The following WAPL variants were observed in gnomAD, a reference collection of about 807,000 sequenced individuals.
The protein encoded by WAPL is WAPL cohesin release factor.
A neutral mutation model predicts 121.0 loss-of-function variants in WAPL; 5 were observed. The observed-to-expected ratio is 0.04, with a 90% CI of 0.02 to 0.09. The LOEUF (loss-of-function observed/expected upper bound fraction) is 0.09, where lower values mean the gene tolerates loss of function less well. Among genes scored for constraint, WAPL ranks in the 10% least tolerant of loss-of-function variants. The pLI is 1.00. For missense variants in WAPL, 999 were observed against 1,410.8 expected, an observed-to-expected ratio of 0.71 and a Z score of 4.68; for synonymous variants, 480 against 481.5, an observed-to-expected ratio of 1.00 and a Z score of 0.04.
chr10:86,439,399 C>T (rs775335886), intron 17 of WAPL, among the ~76,000 whole-genome samples: 5 of 152,170 alleles, frequency 3.3e-5, no homozygotes, highest in Non-Finnish European at 5.9e-5. Context: ...TAGAAAAGTA[C>T]GCCTCTGTAA....
At position 86,467,282 on chromosome 10, in the gene WAPL, T is replaced by C. The variant is rs1841421282; in HGVS notation, c.2367A>G (p.Ile789Met). The C allele has an allele frequency of 6.2e-7, 1 of 1,613,004 alleles. No individual in the cohort carries two copies. Among genetic ancestry groups the C allele is most frequent in the African/African-American group, 1.3e-5 (1 of 74,786 alleles). The change falls in exon 9 of 19, where the codon ATA (isoleucine) becomes ATG (methionine). Residue 789 changes from isoleucine (I) to methionine (M), a missense_variant. By Grantham distance (10) the Ile-to-Met change is conservative (BLOSUM62 1). Around this residue, in one of 7 missense-constraint regions of WAPL, gnomAD observed 118 missense variants for 318.3 expected, o/e 0.37. Transcript: ENST00000298767. ...VHNKHLDLEN[I>M]TTGHLAMETL... Reference sequence around the variant, plus strand: ...AAGGAAGGAAGAAGGAACCCACCGTTATATTTTCTAGATCAAGATGCTTGT... The same window carrying C: ...AAGGAAGGAAGAAGGAACCCACCGTCATATTTTCTAGATCAAGATGCTTGT...
At chr10:86,499,487 A>G (rs1356199216) in intron 3 of WAPL, among the ~76,000 whole-genome samples, 1 of 152,220 alleles carries the variant, frequency 6.6e-6, no homozygotes, top group Non-Finnish European at 1.5e-5. Flanking sequence ...CCTATGATAA[A>G]GTTTAATTTA....
At chr10:86,457,023 T>C (rs768784594) in intron 12 of WAPL, among the ~76,000 whole-genome samples, 8 of 152,108 alleles carry the variant, frequency 5.3e-5, no homozygotes, top group Non-Finnish European at 1.2e-4. Flanking sequence ...TCTTACAAGG[T>C]AGTTGTCAGA....
At chr10:86,461,772 AACG>A (rs1841280186) in intron 9 of WAPL, among the ~76,000 whole-genome samples, 1 of 152,190 alleles carries the variant, frequency 6.6e-6, no homozygotes, top group African/African-American at 2.4e-5. Flanking sequence ...GTATTTTTAC[AACG>A]ACAGTAACCT....
chr10:86,465,017 A>C (rs1336811269), intron 9 of WAPL, among the ~76,000 whole-genome samples: 2 of 152,174 alleles, frequency 1.3e-5, no homozygotes, highest in Non-Finnish European at 2.9e-5. Flanking sequence ...TTGCTCTCCC[A>C]TCCTCCACCA....
chr10:86,499,167 A>T (rs1308667534), intron 3 of WAPL, among the ~76,000 whole-genome samples: 1 of 152,210 alleles, frequency 6.6e-6, no homozygotes, highest in Non-Finnish European at 1.5e-5. Context: ...GGTTAAATTA[A>T]AACTCAAATA....
chr10:86,487,525 T>A (rs1841951742), intron 4 of WAPL, among the ~76,000 whole-genome samples: 1 of 152,184 alleles, frequency 6.6e-6, no homozygotes, highest in Non-Finnish European at 1.5e-5. Context: ...CAGCCCTCAA[T>A]CCTGATATTA....
At chr10:86,476,654 A>G (rs1382987214) in intron 4 of WAPL, among the ~76,000 whole-genome samples, 1 of 150,608 alleles carries the variant, frequency 6.6e-6, no homozygotes, top group Non-Finnish European at 1.5e-5. Flanking sequence ...GCGCCACTGC[A>G]CTCCAGCCTG....
At chr10:86,446,931 A>G (rs764532944) in intron 15 of WAPL, among the ~76,000 whole-genome samples, 2 of 152,250 alleles carry the variant, frequency 1.3e-5, no homozygotes, top group Non-Finnish European at 2.9e-5. Context: ...TTGAGTATAC[A>G]GAAGAGTGGT....
At chr10:86,443,197 T>G (rs1447634721) in intron 17 of WAPL, 78 bp downstream of exon 17, 5 of 1,127,754 alleles carry the variant, frequency 4.4e-6, no homozygotes, top group Non-Finnish European at 6.5e-6. Context: ...AATAAATAAG[T>G]GAAACATGTA....
chr10:86,474,781 T>C (rs1411515866), intron 4 of WAPL, among the ~76,000 whole-genome samples: 3 of 152,210 alleles, frequency 2.0e-5, no homozygotes, highest in Admixed American at 1.3e-4. Flanking sequence ...ATGGGTTCTT[T>C]GGCAAAACTT....
rs984736680 is a variant in WAPL, at chr10:86,436,563, G to A, written c.*980C>T. On this transcript the variant is annotated 3_prime_UTR_variant, in exon 19 of 19. Transcript: ENST00000298767. ...CTAAACCAGCAATTTAAGGCTTTGCGCTTATGCAATTGATCCTGTCACTCT... is the reference window on the plus strand; with the variant it reads ...CTAAACCAGCAATTTAAGGCTTTGCACTTATGCAATTGATCCTGTCACTCT... The A allele has an allele frequency of 2.6e-5, 4 of 152,584 alleles. No individual in the cohort carries two copies. In the East Asian group the frequency reaches 5.8e-4, roughly 22 times the overall value. 9.5% of individuals were successfully genotyped at this position (152,584 alleles called of 1,614,324 possible). A position where few individuals can be genotyped will look rare whatever the true frequency, so the allele number is the denominator to read the frequency against.
intron 2 of WAPL, 35 bp downstream of exon 2, chr10:86,517,536 T>C: frequency 6.4e-7 from 1 of 1,553,544 alleles, no homozygotes; most frequent in Non-Finnish European, 8.7e-7. Flanking sequence ...TGCACAAAGC[T>C]CTCTTGGCGG....
intron 9 of WAPL, among the ~76,000 whole-genome samples, chr10:86,465,804 C>G (rs1841383989): frequency 2.0e-5 from 3 of 152,166 alleles, no homozygotes; most frequent in African/African-American, 7.2e-5. Flanking sequence ...GGCCTCTCAG[C>G]TTCCTTGGAC....
At chr10:86,514,600 G>C (rs1842521702) in intron 2 of WAPL, among the ~76,000 whole-genome samples, 1 of 152,174 alleles carries the variant, frequency 6.6e-6, no homozygotes, top group Admixed American at 6.5e-5. Flanking sequence ...CTCAGAGTCA[G>C]TCCACAGTAT....
chr10:86,513,264 C>A (rs999594715), intron 2 of WAPL, among the ~76,000 whole-genome samples: 6 of 152,036 alleles, frequency 3.9e-5, no homozygotes, highest in Admixed American at 2.0e-4. Flanking sequence ...TCCCAAAGTG[C>A]TGGATTACAG....
intron 9 of WAPL, among the ~76,000 whole-genome samples, chr10:86,465,584 A>G (rs931204695): frequency 2.0e-5 from 3 of 152,214 alleles, no homozygotes; most frequent in Non-Finnish European, 4.4e-5. Context: ...AAAATCAGGT[A>G]CTTACTGTAT....
chr10:86,489,794 A>C (rs12779928), intron 4 of WAPL, among the ~76,000 whole-genome samples: 62 of 151,736 alleles, frequency 4.1e-4, no homozygotes, highest in Admixed American at 7.9e-4. Flanking sequence ...AAATGGGGCC[A>C]CTGGAATTCT....
chr10:86,443,525 G>A, intron 16 of WAPL, 162 bp from the exon 17 acceptor site: 1 of 491,622 alleles, frequency 2.0e-6, no homozygotes. Flanking sequence ...TAATCAAAAT[G>A]AAATAGGGAT....
Sources: gnomAD v4.1 joint callset for allele counts (sites outside exome capture counted in the v4.1 genomes callset) on GRCh38, gnomAD v4.1.1 for gene constraint, gnomAD v4.1.1 regional missense constraint, MANE v1.5 for transcripts, NCBI Gene and HGNC (gene_info 2026-07-23, HGNC 2026-07-21) for gene names.